The following NARS2 variants were observed in gnomAD, a reference collection of about 807,000 sequenced individuals.
NARS2 encodes asparaginyl-tRNA synthetase 2, mitochondrial, also known as asparaginyl-tRNA synthetase.
NARS2 carries 60 observed loss-of-function variants against 62.9 expected under a neutral mutation model. That is an observed-to-expected ratio of 0.95 (90% CI 0.77 to 1.18). The LOEUF (loss-of-function observed/expected upper bound fraction) is 1.18, where lower values mean the gene tolerates loss of function less well. NARS2 is among the 50% of genes most tolerant of loss of function. The pLI is 0.00. For missense variants in NARS2, 619 were observed against 576.4 expected (o/e 1.07, Z -0.76); for synonymous variants, 196 against 200.0 (o/e 0.98, Z 0.17).
chr11:78,454,852 T>C (rs1291752001), intron 11 of NARS2, among the ~76,000 whole-genome samples: 3 of 152,012 alleles, frequency 2.0e-5, no homozygotes, highest in East Asian at 1.9e-4. Flanking sequence ...CTCCTGACCT[T>C]GTGATTTGCC....
At chr11:78,459,292 C>CA (rs1489948952) in intron 11 of NARS2, among the ~76,000 whole-genome samples, 1 of 149,128 alleles carries the variant, frequency 6.7e-6, no homozygotes, top group Non-Finnish European at 1.5e-5. Context: ...TAAATTGAGA[C>CA]AGAGTTTTGC....
In NARS2 at chr11:78,469,224, T is replaced by C. The variant is rs768467263; in HGVS notation, c.1026+23A>G. 4 of 1,525,650 alleles carry C rather than the reference T, an allele frequency of 2.6e-6. 1 individual carries two copies. In the South Asian group the frequency reaches 3.4e-5, roughly 13 times the overall value. The allele number at this position is 1,525,650 out of a possible 1,614,324, so 94.5% of individuals were successfully genotyped here. ...AAGGAAGCATTTTCACACACACATA[T>C]ATACATACACACAAAATACTACCTC... On this transcript the variant is annotated intron_variant, in intron 10 of 13. Coordinates refer to ENST00000281038, the MANE Select transcript of NARS2 (RefSeq NM_024678.6).
intron 6 of NARS2, among the ~76,000 whole-genome samples, chr11:78,514,647 ACCT>A (rs1860838387): frequency 6.6e-6 from 1 of 152,172 alleles, no homozygotes; most frequent in South Asian, 2.1e-4. Flanking sequence ...AGCCAGACAG[ACCT>A]CAGTGAATTA....
chr11:78,483,425 A>C (rs924651715), intron 7 of NARS2, among the ~76,000 whole-genome samples: 3 of 152,210 alleles, frequency 2.0e-5, no homozygotes, highest in Non-Finnish European at 2.9e-5. Flanking sequence ...AGGGTATTCA[A>C]ATAGGAAGAG....
At chr11:78,538,328 A>G (rs930862719) in intron 5 of NARS2, among the ~76,000 whole-genome samples, 1 of 152,218 alleles carries the variant, frequency 6.6e-6, no homozygotes, top group Non-Finnish European at 1.5e-5. Context: ...TAATCTGTAT[A>G]TACACCTCAT....
intron 11 of NARS2, among the ~76,000 whole-genome samples, chr11:78,460,273 T>A (rs1488722065): frequency 6.8e-6 from 1 of 146,252 alleles, no homozygotes; most frequent in Non-Finnish European, 1.5e-5. Flanking sequence ...TTGGGTTAAT[T>A]TTTTTTTTTT....
At chr11:78,553,170 C>A (rs1158635333) in intron 5 of NARS2, among the ~76,000 whole-genome samples, 2 of 151,968 alleles carry the variant, frequency 1.3e-5, no homozygotes, top group East Asian at 1.9e-4. Context: ...GAGATGGTAT[C>A]TCATTGTGGT....
intron 6 of NARS2, among the ~76,000 whole-genome samples, chr11:78,523,668 A>G (rs1188366774): frequency 6.6e-6 from 1 of 152,224 alleles, no homozygotes; most frequent in Non-Finnish European, 1.5e-5. Context: ...TGCAAGTTGG[A>G]TGAACTTTGA....
intron 7 of NARS2, among the ~76,000 whole-genome samples, chr11:78,488,973 A>G (rs775124647): frequency 6.6e-6 from 1 of 152,220 alleles, no homozygotes; most frequent in Non-Finnish European, 1.5e-5. Flanking sequence ...AACGTTACAC[A>G]AAAATTAACT....
intron 10 of NARS2, 43 bp from the exon 11 acceptor site, chr11:78,466,056 T>G: frequency 6.5e-7 from 1 of 1,541,474 alleles, no homozygotes; most frequent in East Asian, 2.3e-5. Flanking sequence ...GAGACAGAGG[T>G]GAAATATACA....
At chr11:78,467,563 A>T (rs60294812) in intron 10 of NARS2, among the ~76,000 whole-genome samples, 21,201 of 123,932 alleles carry the variant, frequency 0.17, 1,582 homozygotes, top group Middle Eastern at 0.26. Context: ...ATAAATAAAT[A>T]AATAAATTAA....
intron 12 of NARS2, among the ~76,000 whole-genome samples, chr11:78,443,183 G>A (rs373760035): frequency 6.6e-5 from 10 of 151,832 alleles, no homozygotes; most frequent in Non-Finnish European, 1.5e-4. Context: ...AAAATTAGCC[G>A]GGCGTGGTGG....
At chr11:78,504,639 C>T (rs1027337377) in intron 6 of NARS2, among the ~76,000 whole-genome samples, 6 of 152,170 alleles carry the variant, frequency 3.9e-5, no homozygotes, top group Non-Finnish European at 7.4e-5. Flanking sequence ...ATAAAATTTC[C>T]TTTTATTTTC....
intron 3 of NARS2, among the ~76,000 whole-genome samples, chr11:78,566,903 T>A (rs1856763158): frequency 6.6e-6 from 1 of 152,206 alleles, no homozygotes; most frequent in African/African-American, 2.4e-5. Flanking sequence ...AAGTTTTAAT[T>A]AAAAAGATAA....
chr11:78,462,071 G>A (rs935847624), intron 11 of NARS2, among the ~76,000 whole-genome samples: 1 of 152,184 alleles, frequency 6.6e-6, no homozygotes, highest in Non-Finnish European at 1.5e-5. Context: ...AAAGTAGCTG[G>A]GTAACCCAGA....
chr11:78,499,849 G>C (rs1338375426), intron 6 of NARS2, among the ~76,000 whole-genome samples: 4 of 152,142 alleles, frequency 2.6e-5, no homozygotes, highest in Admixed American at 6.5e-5. Flanking sequence ...TCACAAATTT[G>C]ACTGTTCTTT....
Position 78,566,232 on chromosome 11 carries a change from T to C in NARS2, c.413A>G (p.Tyr138Cys), listed in dbSNP as rs1265851078. 1 of 1,610,376 alleles carries C rather than the reference T, an allele frequency of 6.2e-7. No individual in the cohort carries two copies. Among genetic ancestry groups the C allele is most frequent in the East Asian group, 2.2e-5 (1 of 44,834 alleles). Residue 138 changes from tyrosine to cysteine, a missense_variant, in exon 4 of 14, where the codon TAT becomes TGT. Tyr to Cys is a radical substitution (Grantham distance 194). Transcript: ENST00000281038. ...CCTAAAGTGAGGATATTGTCGCAGA[T>C]ACTCCAGAGGATGCCTCTCTTTATA... Reference protein sequence around the residue: ...IKYKERHPLEYLRQYPHFRCR... With the variant: ...IKYKERHPLECLRQYPHFRCR...
intron 6 of NARS2, among the ~76,000 whole-genome samples, chr11:78,515,183 A>C (rs928381528): frequency 6.6e-6 from 1 of 152,126 alleles, no homozygotes; most frequent in Non-Finnish European, 1.5e-5. Flanking sequence ...ATGGGGATGC[A>C]TTAAGAGTTT....
intron 10 of NARS2, among the ~76,000 whole-genome samples, chr11:78,466,527 C>T (rs1368989925): frequency 6.6e-6 from 1 of 152,160 alleles, no homozygotes; most frequent in African/African-American, 2.4e-5. Context: ...GTCGCCCAGG[C>T]TAGAGTGCAG....
Sources: gnomAD v4.1 joint callset for allele counts (sites outside exome capture counted in the v4.1 genomes callset) on GRCh38, gnomAD v4.1.1 for gene constraint, MANE v1.5 for transcripts, NCBI Gene and HGNC (gene_info 2026-07-23, HGNC 2026-07-21) for gene names.